MARK3: variants seen among roughly 807,000 people sequenced by gnomAD.
MARK3 encodes the protein microtubule affinity regulating kinase 3.
Under a neutral mutation model 90.1 loss-of-function variants are expected in MARK3, and 46 were observed. The observed-to-expected ratio is 0.51, with a 90% CI of 0.40 to 0.65. The LOEUF is 0.65. MARK3 is among the 30% of genes least tolerant of loss of function. The pLI, the probability that MARK3 is intolerant of heterozygous loss-of-function variation, is 0.00. For missense variants in MARK3, 818 were observed against 947.2 expected (o/e 0.86, Z 1.79); for synonymous variants, 321 against 332.6 (o/e 0.97, Z 0.38).
chr14:103,445,764 C>T (rs921646519), intron 3 of MARK3, among the ~76,000 whole-genome samples: 10 of 152,168 alleles, frequency 6.6e-5, no homozygotes, highest in African/African-American at 2.4e-4. Flanking sequence ...CTTTTTGGCT[C>T]TAATTCACTT....
rs185231177 is a variant in MARK3 at position 103,471,888 on chromosome 14, T to A, written c.1265-3105T>A. 6.8e-4 allele frequency among the ~76,000 whole-genome samples: 104 copies of A among 152,286 alleles called. 1 individual carries two copies. The East Asian group carries it at 0.015, about 22-fold the overall frequency. On this transcript the variant is annotated intron_variant, in intron 12 of 17. Coordinates refer to ENST00000429436, the MANE Select transcript of MARK3 (RefSeq NM_001128918.3). ...ATTTGGATCAATTTCTCACATCTTA[T>A]ACAAGGATGAATTCTAATTGGAGTT...
intron 13 of MARK3, among the ~76,000 whole-genome samples, chr14:103,478,588 A>G (rs2093760933): frequency 6.7e-6 from 1 of 149,678 alleles, no homozygotes; most frequent in African/African-American, 2.5e-5. Context: ...CCTGTTGCCC[A>G]GAGTGCAATG....
intron 3 of MARK3, among the ~76,000 whole-genome samples, chr14:103,433,811 C>G (rs1045993566): frequency 1.3e-5 from 2 of 152,158 alleles, no homozygotes; most frequent in Admixed American, 1.3e-4. Flanking sequence ...GCAGGGATTA[C>G]TCCATTTTTA....
intron 3 of MARK3, among the ~76,000 whole-genome samples, chr14:103,443,033 C>G (rs2092902587): frequency 6.8e-6 from 1 of 146,554 alleles, no homozygotes; most frequent in Non-Finnish European, 1.5e-5. Context: ...AGAGAAAACA[C>G]AGAAAAATGA....
rs866712125 is a variant in MARK3, at chr14:103,391,633, C to T, written c.51+5553C>T. Among the ~76,000 whole-genome samples the T allele has an allele frequency of 4.6e-5, 7 of 151,204 alleles. 1 individual carries two copies. Among genetic ancestry groups the T allele is most frequent in the Middle Eastern group, 6.9e-3 (2 of 288 alleles). On this transcript the variant is annotated intron_variant, in intron 1 of 17. Coordinates refer to ENST00000429436, the MANE Select transcript of MARK3 (RefSeq NM_001128918.3). ...ATCTCGGCTCACTGCCAACCTCTGC[C>T]GCCCGGGTTCAAGCGATTGTCGTGC...
intron 4 of MARK3, among the ~76,000 whole-genome samples, chr14:103,449,516 T>G (rs2093079583): frequency 6.6e-6 from 1 of 152,074 alleles, no homozygotes; most frequent in African/African-American, 2.4e-5. Context: ...AAGAAAATAC[T>G]TATTTGAAAG....
At chr14:103,471,852 A>G (rs2093630609) in intron 12 of MARK3, among the ~76,000 whole-genome samples, 1 of 151,748 alleles carries the variant, frequency 6.6e-6, no homozygotes. Flanking sequence ...TAGTTCTCAG[A>G]AAAAAAATTA....
rs1555395510 is a variant in MARK3, at chr14:103,468,314, C to CTTCTTTT, written c.1264+130_1264+131insCTTTTTT. The CTTCTTTT allele has an allele frequency of 2.4e-4, 28 of 116,126 alleles. 5 individuals are homozygous for CTTCTTTT. The highest frequency in any genetic ancestry group is 7.4e-4 in the African/African-American group (13 of 17,548). The allele number at this position is 116,126 out of a possible 1,614,324, so 7.2% of individuals were successfully genotyped here. A position where few individuals can be genotyped will look rare whatever the true frequency, so the allele number is the denominator to read the frequency against. ...CTTGGCATTGCTTTCTTTCTTTCTT[C>CTTCTTTT]TTTTTTTTTTTTTTTTTTTTTTTTT... On this transcript the variant is annotated intron_variant, in intron 12 of 17. Coordinates refer to ENST00000429436, the MANE Select transcript of MARK3 (RefSeq NM_001128918.3).
At position 103,465,628 on chromosome 14, in the gene MARK3, T is replaced by C. The variant is rs770934318; in HGVS notation, c.612T>C (p.Thr204=). ...ATTTCGGTTTTAGCAATGAATTTAC[T>C]GTTGGCGGTAAACTCGACACGTTTT... ...IADFGFSNEF[T]VGGKLDTFCG... The change falls in exon 8 of 18, where the codon ACT becomes ACC. Residue 204 remains threonine, a synonymous_variant. Coordinates refer to ENST00000429436, the MANE Select transcript of MARK3 (RefSeq NM_001128918.3). 10 of 1,614,096 alleles carry C rather than the reference T, an allele frequency of 6.2e-6. No individual in the cohort carries two copies. The highest frequency in any genetic ancestry group is 1.7e-5 in the Admixed American group (1 of 59,996).
intron 2 of MARK3, among the ~76,000 whole-genome samples, chr14:103,418,005 G>A (rs1350545222): frequency 6.6e-6 from 1 of 152,076 alleles, no homozygotes; most frequent in Non-Finnish European, 1.5e-5. Context: ...GGAGGCAGAG[G>A]TTGCAGTGAG....
At chr14:103,413,921 G>A (rs1000750064) in intron 2 of MARK3, among the ~76,000 whole-genome samples, 4 of 152,136 alleles carry the variant, frequency 2.6e-5, no homozygotes, top group African/African-American at 9.7e-5. Flanking sequence ...TCTGTTGTAT[G>A]GCTGTGCTAC....
chr14:103,387,914 G>A lies in MARK3; in HGVS notation c.51+1834G>A, dbSNP rs577224994. On this transcript the variant is annotated intron_variant, in intron 1 of 17. Coordinates refer to ENST00000429436, the MANE Select transcript of MARK3 (RefSeq NM_001128918.3). Reference sequence around the variant, plus strand: ...TCATAGCAGATTTGTGATAATGAAGGATTTCAAATGGGTCTTTTTTCTTTC... The same window carrying A: ...TCATAGCAGATTTGTGATAATGAAGAATTTCAAATGGGTCTTTTTTCTTTC... 2.0e-4 allele frequency among the ~76,000 whole-genome samples: 31 copies of A among 151,870 alleles called. No homozygotes were observed. In the South Asian group the frequency reaches 6.2e-3, roughly 31 times the overall value.
intron 2 of MARK3, among the ~76,000 whole-genome samples, chr14:103,409,910 T>A (rs1443179242): frequency 6.6e-6 from 1 of 152,210 alleles, no homozygotes; most frequent in African/African-American, 2.4e-5. Flanking sequence ...TTGCGTGTCC[T>A]TGTTAAGTGT....
chr14:103,428,717 T>A (rs1313931099), intron 3 of MARK3, among the ~76,000 whole-genome samples: 1 of 152,200 alleles, frequency 6.6e-6, no homozygotes, highest in African/African-American at 2.4e-5. Flanking sequence ...GTACTTTTTA[T>A]TGAATATTCT....
At chr14:103,477,925 A>G (rs926291445) in intron 13 of MARK3, among the ~76,000 whole-genome samples, 1 of 151,336 alleles carries the variant, frequency 6.6e-6, no homozygotes, top group East Asian at 1.9e-4. Context: ...TTTCAGCCCA[A>G]GAGGTTGAGG....
At chr14:103,452,030 TA>T (rs1308945643) in intron 5 of MARK3, 47 bp downstream of exon 5, 1 of 1,318,946 alleles carries the variant, frequency 7.6e-7, no homozygotes, top group Non-Finnish European at 1.1e-6. Context: ...TTCTCCCTTT[TA>T]AAAAAATACA....
intron 3 of MARK3, among the ~76,000 whole-genome samples, chr14:103,445,363 C>T (rs1415305795): frequency 1.3e-5 from 2 of 152,190 alleles, no homozygotes; most frequent in African/African-American, 4.8e-5. Context: ...TTCCTGCTTC[C>T]TCCCTGTCCT....
chr14:103,395,856 G>A (rs1989565), intron 1 of MARK3, among the ~76,000 whole-genome samples: 102,766 of 151,958 alleles, frequency 0.68, 35,068 homozygotes, highest in East Asian at 0.86. Flanking sequence ...TTTTCTGTTT[G>A]TTTAAGGCTG....
At chr14:103,500,381 C>G (rs201746901) in intron 17 of MARK3, among the ~76,000 whole-genome samples, 181 bp downstream of exon 17, 1 of 152,202 alleles carries the variant, frequency 6.6e-6, no homozygotes, top group East Asian at 1.9e-4. Flanking sequence ...CCAGCTTGGC[C>G]TCCGCTCTAC....
Sources: allele counts gnomAD v4.1 joint callset (sites outside exome capture counted in the v4.1 genomes callset), GRCh38; gene constraint gnomAD v4.1.1; transcripts MANE v1.5; gene names NCBI Gene and HGNC (gene_info 2026-07-23, HGNC 2026-07-21).